GDPD4: variants seen among roughly 807,000 people sequenced by gnomAD.
GDPD4 encodes the protein glycerophosphodiester phosphodiesterase domain containing 4.
GDPD4 carries 60 observed loss-of-function variants against 67.8 expected under a neutral mutation model. The observed-to-expected ratio is 0.88, with a 90% CI of 0.72 to 1.10. GDPD4 has a LOEUF of 1.10. Ranked by LOEUF, GDPD4 falls within the 50% of genes least tolerant of loss-of-function variation. GDPD4 has a pLI of 0.00. For missense variants in GDPD4, 623 were observed against 613.9 expected (o/e 1.01, Z -0.16); for synonymous variants, 212 against 210.9 (o/e 1.00, Z -0.04).
intron 3 of GDPD4, among the ~76,000 whole-genome samples, chr11:77,280,354 C>A (rs1959703229): frequency 6.6e-6 from 1 of 150,708 alleles, no homozygotes. Flanking sequence ...ATCCATGAAA[C>A]AAGAATAGGA....
chr11:77,243,049 T>TA (rs775880843), intron 13 of GDPD4, among the ~76,000 whole-genome samples: 6 of 152,146 alleles, frequency 3.9e-5, no homozygotes, highest in Non-Finnish European at 7.4e-5. Context: ...TAGAATCATA[T>TA]AAAAAATTAA....
rs184907656 is a variant in GDPD4, at chr11:77,256,514, C to A, written c.864+1872G>T. ...TTTCTTATATCAATACTAATTAATA[C>A]AATGAATCTGAAGTGGAGTCTCAGT... On this transcript the variant is annotated intron_variant, in intron 11 of 16. Transcript: ENST00000315938. Among the ~76,000 whole-genome samples, 4 of 152,258 alleles carry A rather than the reference C, an allele frequency of 2.6e-5. No homozygotes were observed. In the East Asian group the frequency reaches 5.8e-4, roughly 22 times the overall value.
At chr11:77,282,137 G>T (rs369654661) in intron 3 of GDPD4, among the ~76,000 whole-genome samples, 1 of 152,084 alleles carries the variant, frequency 6.6e-6, no homozygotes, top group East Asian at 1.9e-4. Context: ...ATAAGTATAT[G>T]AAGTTAAGGT....
chr11:77,239,289 C>G (rs1297690122), intron 13 of GDPD4, among the ~76,000 whole-genome samples: 1 of 152,136 alleles, frequency 6.6e-6, no homozygotes, highest in African/African-American at 2.4e-5. Flanking sequence ...AGGAACAAGA[C>G]AAAGATGCCA....
At chr11:77,247,288 C>A (rs1958798719) in intron 11 of GDPD4, among the ~76,000 whole-genome samples, 1 of 152,240 alleles carries the variant, frequency 6.6e-6, no homozygotes, top group African/African-American at 2.4e-5. Context: ...TTAGCTACTA[C>A]CAGACCTAAA....
intron 16 of GDPD4, among the ~76,000 whole-genome samples, chr11:77,217,677 CTT>C (rs945785203): frequency 2.6e-5 from 4 of 152,178 alleles, no homozygotes; most frequent in African/African-American, 9.7e-5. Flanking sequence ...GAGACTTTGT[CTT>C]GTTTGCCACT....
At chr11:77,260,698 T>C (rs1172142827) in intron 10 of GDPD4, among the ~76,000 whole-genome samples, 1 of 152,048 alleles carries the variant, frequency 6.6e-6, no homozygotes, top group African/African-American at 2.4e-5. Context: ...AACATGAACA[T>C]AATGAAGATA....
intron 9 of GDPD4, 85 bp downstream of exon 9, chr11:77,268,839 G>A: frequency 7.3e-7 from 1 of 1,367,436 alleles, no homozygotes; most frequent in Non-Finnish European, 1.0e-6. Flanking sequence ...TTCTCTCCAG[G>A]GGCTTCCATG....
chr11:77,223,692 C>G (rs1041140159), intron 16 of GDPD4, among the ~76,000 whole-genome samples: 2 of 152,188 alleles, frequency 1.3e-5, no homozygotes, highest in Admixed American at 6.5e-5. Context: ...TCTCAGAGCT[C>G]AAACACTGTG....
intron 10 of GDPD4, among the ~76,000 whole-genome samples, chr11:77,264,127 T>C (rs530368459): frequency 4.8e-4 from 73 of 152,258 alleles, no homozygotes; most frequent in Non-Finnish European, 1.3e-4. Context: ...ATAAGAGGAC[T>C]GGGAATAATA....
intron 11 of GDPD4, among the ~76,000 whole-genome samples, chr11:77,251,258 T>C (rs1376823790): frequency 6.6e-6 from 1 of 152,194 alleles, no homozygotes; most frequent in Non-Finnish European, 1.5e-5. Flanking sequence ...TTCTGTAGTA[T>C]AAAAGGTTTG....
rs1959647241 is a variant in GDPD4, at chr11:77,279,363, C to G, written c.90G>C (p.Trp30Cys). ...TAGCTAAACTCAGAATAAAAATAGA[C>G]CAGAAAAACCAGTATCCTGTTCCTA... ...TFLGTGYWFF[W>C]SIFILSLARI... is the part of the protein sequence containing the mutation. Residue 30 changes from tryptophan to cysteine, a missense_variant, in exon 4 of 17, where the codon TGG becomes TGC. By Grantham distance (215) the Trp-to-Cys change is radical. Coordinates refer to ENST00000315938, the MANE Select transcript of GDPD4 (RefSeq NM_182833.3). 1 of 1,611,880 alleles carries G rather than the reference C, an allele frequency of 6.2e-7. No individual in the cohort carries two copies. The highest frequency in any genetic ancestry group is 1.3e-5 in the African/African-American group (1 of 74,800).
intron 2 of GDPD4, among the ~76,000 whole-genome samples, chr11:77,286,767 A>C (rs1016379830): frequency 1.3e-5 from 2 of 152,214 alleles, no homozygotes; most frequent in African/African-American, 4.8e-5. Flanking sequence ...TTCCTCAGGG[A>C]AAATCACCAC....
intron 2 of GDPD4, 102 bp from the exon 3 acceptor site, chr11:77,285,289 GC>G (rs371214733): frequency 0.011 from 6,742 of 627,880 alleles, 53 homozygotes; most frequent in Non-Finnish European, 0.014. Context: ...GCACTGCCAT[GC>G]ATTACCCTCC....
Position 77,276,197 on chromosome 11 carries a change from C to A in GDPD4, c.171G>T (p.Trp57Cys). Residue 57 changes from tryptophan (W) to cysteine (C), a missense_variant, in exon 5 of 17, where the codon TGG becomes TGT. Coordinates refer to ENST00000315938, the MANE Select transcript of GDPD4 (RefSeq NM_182833.3). ...LLLLLGFLLL[W>C]ERIELYLHLC... ...AGTGCAGGTATAGTTCAATCCTTTC[C>A]CAAAGCAACAAAAATCCAAGTAACT... 1 of 1,613,780 alleles carries A rather than the reference C, an allele frequency of 6.2e-7. No individual in the cohort carries two copies. Among genetic ancestry groups the A allele is most frequent in the Non-Finnish European group, 8.5e-7 (1 of 1,179,770 alleles).
chr11:77,258,616 G>C, intron 10 of GDPD4, 74 bp from the exon 11 acceptor site: 1 of 1,427,176 alleles, frequency 7.0e-7, no homozygotes. Context: ...AGGCTCCCCA[G>C]ACAGTCCTTC....
intron 10 of GDPD4, among the ~76,000 whole-genome samples, chr11:77,259,942 A>C (rs1959079031): frequency 6.6e-6 from 1 of 152,208 alleles, no homozygotes; most frequent in South Asian, 2.1e-4. Flanking sequence ...GGTATGAATC[A>C]TTCAAGTTCC....
chr11:77,285,352 T>G (rs545938970), intron 2 of GDPD4, among the ~76,000 whole-genome samples, 165 bp from the exon 3 acceptor site: 1 of 152,334 alleles, frequency 6.6e-6, no homozygotes, highest in East Asian at 1.9e-4. Flanking sequence ...ATCCTGTATA[T>G]GCCTATTTAC....
intron 16 of GDPD4, among the ~76,000 whole-genome samples, chr11:77,225,211 G>A (rs1221519309): frequency 1.3e-5 from 2 of 151,566 alleles, no homozygotes; most frequent in Admixed American, 1.3e-4. Flanking sequence ...TGAGGCAGGA[G>A]AATCGCTTGA....
Sources: gnomAD v4.1 joint callset for allele counts (sites outside exome capture counted in the v4.1 genomes callset) on GRCh38, gnomAD v4.1.1 for gene constraint, MANE v1.5 for transcripts, NCBI Gene and HGNC (gene_info 2026-07-23, HGNC 2026-07-21) for gene names.